PIK3CD: variants seen among roughly 807,000 people sequenced by gnomAD.
PIK3CD encodes the protein phosphatidylinositol-4,5-bisphosphate 3-kinase catalytic subunit delta, also known as phosphatidylinositol 4,5-bisphosphate 3-kinase catalytic subunit delta isoform.
A neutral mutation model predicts 122.9 loss-of-function variants in PIK3CD; 20 were observed. That is an observed-to-expected ratio of 0.16 (90% CI 0.11 to 0.24). The LOEUF (loss-of-function observed/expected upper bound fraction) is 0.24. Ranked by LOEUF, PIK3CD falls within the 10% of genes least tolerant of loss-of-function variation. The probability of loss-of-function intolerance (pLI) is 1.00; values close to 1 mark genes in which losing one functional copy is unlikely to be tolerated. For synonymous variants in PIK3CD, 596 were observed against 593.4 expected, an observed-to-expected ratio of 1.00 and a Z score of -0.06; for missense variants, 787 against 1,406.3, an observed-to-expected ratio of 0.56 and a Z score of 7.04.
intron 1 of PIK3CD, among the ~76,000 whole-genome samples, chr1:9,675,236 A>T (rs1289417244): frequency 6.6e-6 from 1 of 150,510 alleles, no homozygotes; most frequent in Non-Finnish European, 1.5e-5. Context: ...ATACAAAAAA[A>T]TTAGCCGGGC....
the PIK3CD span, among the ~76,000 whole-genome samples, chr1:9,643,254 C>CA: frequency 6.6e-6 from 1 of 151,610 alleles, no homozygotes; most frequent in Non-Finnish European, 1.5e-5. Flanking sequence ...ACTAAATATA[C>CA]AAAAAATTAG....
rs139477241 is a variant in PIK3CD at position 9,704,794 on chromosome 1, G to A, written c.-32-5630G>A. On this transcript the variant is annotated intron_variant, in intron 2 of 23. Coordinates refer to ENST00000377346, the MANE Select transcript of PIK3CD (RefSeq NM_005026.5). This position sits in a 1 kb window ranked among gnomAD's most constrained non-coding sequence, Gnocchi z 5.0. ...CTCCCAAAGTGCTGGGATTACAGGC[G>A]TGAGCCACCACGCCCAGCCGGTCCC... Among the ~76,000 whole-genome samples, 1,748 of 152,350 alleles carry A rather than the reference G, an allele frequency of 0.011. 30 individuals are homozygous for A. The highest frequency in any genetic ancestry group is 0.044 in the East Asian group (230 of 5,188).
At position 9,726,312 on chromosome 1, in the gene PIK3CD, T is replaced by G. The variant is rs369349690; in HGVS notation, c.2998-597T>G. Among the ~76,000 whole-genome samples the G allele has an allele frequency of 2.3e-4, 35 of 151,820 alleles. No individual in the cohort carries two copies. In the East Asian group the frequency reaches 4.1e-3, roughly 18 times the overall value. Reference sequence around the variant, plus strand: ...TCATGAGGTCAGGAGATCGAGACCATCCTGGCTAACACGGTGAAACCCCGT... The same window carrying G: ...TCATGAGGTCAGGAGATCGAGACCAGCCTGGCTAACACGGTGAAACCCCGT... On this transcript the variant is annotated intron_variant, in intron 23 of 23. Transcript: ENST00000377346.
intron 1 of PIK3CD, among the ~76,000 whole-genome samples, chr1:9,675,270 C>T (rs992077564): frequency 1.7e-4 from 25 of 149,718 alleles, no homozygotes; most frequent in African/African-American, 5.9e-4. Flanking sequence ...CCTGTAGTCC[C>T]AGCTACTCGG....
intron 2 of PIK3CD, among the ~76,000 whole-genome samples, chr1:9,695,366 C>T (rs1408420237): frequency 6.6e-6 from 1 of 152,122 alleles, no homozygotes; most frequent in African/African-American, 2.4e-5. Flanking sequence ...GGCATTTCTA[C>T]TTTTAAACAG....
At position 9,718,789 on chromosome 1, in the gene PIK3CD, G is replaced by A; in HGVS notation, c.1116G>A (p.Lys372=). The change falls in exon 9 of 24, where the codon AAG becomes AAA. Residue 372 remains lysine (K), a synonymous_variant. Transcript: ENST00000377346. The surrounding 1 kb of genome is among the most constrained non-coding windows in gnomAD (Gnocchi z 7.2). ...GCGTGTGCTCGGAGCCCGTGTGGAA[G>A]CAGCGGCTGGAGTTCGACATCAACA... ...EVSVCSEPVW[K]QRLEFDINIC... is the part of the protein sequence containing the mutation. 1.2e-6 allele frequency: 2 copies of A among 1,611,718 alleles called. No homozygotes were observed. Among genetic ancestry groups the A allele is most frequent in the Non-Finnish European group, 1.7e-6 (2 of 1,179,970 alleles).
chr1:9,628,569 G>A, the PIK3CD span, among the ~76,000 whole-genome samples: 1 of 152,240 alleles, frequency 6.6e-6, no homozygotes. Context: ...GAGGGAGGAT[G>A]GGCCAGTGGT....
chr1:9,718,633 G>C lies in PIK3CD; in HGVS notation c.1021-61G>C, dbSNP rs566665752. 1.6e-4 allele frequency: 233 copies of C among 1,468,208 alleles called. No individual in the cohort carries two copies. Among genetic ancestry groups the C allele is most frequent in the Middle Eastern group, 2.0e-4 (1 of 5,012 alleles). 90.9% of individuals were successfully genotyped at this position (1,468,208 alleles called of 1,614,324 possible). A position where few individuals can be genotyped will look rare whatever the true frequency, so the allele number is the denominator to read the frequency against. On this transcript the variant is annotated intron_variant, in intron 8 of 23. Transcript: ENST00000377346. This position sits in a 1 kb window ranked among gnomAD's most constrained non-coding sequence, Gnocchi z 7.2. ...TTCAAGGGGGAGACTGACACCTTAA[G>C]GGGGAGGGGAGAGGGGCTGGGCCTC...
At chr1:9,669,318 C>A (rs906678572) in intron 1 of PIK3CD, among the ~76,000 whole-genome samples, 2 of 151,996 alleles carry the variant, frequency 1.3e-5, no homozygotes, top group East Asian at 3.9e-4. Flanking sequence ...GCCACCACAC[C>A]CGGGTAATTT....
intron 1 of PIK3CD, among the ~76,000 whole-genome samples, chr1:9,679,904 A>C (rs1645684708): frequency 1.3e-5 from 2 of 151,966 alleles, no homozygotes; most frequent in Admixed American, 1.3e-4. Context: ...GGCTCATTGC[A>C]ACCTCTGCCT....
intron 23 of PIK3CD, among the ~76,000 whole-genome samples, chr1:9,726,262 A>C (rs1382181148): frequency 6.6e-6 from 1 of 152,132 alleles, no homozygotes; most frequent in African/African-American, 2.4e-5. Flanking sequence ...TAAACCCAGC[A>C]CTTTGGGAGG....
chr1:9,696,158 G>C (rs1646408902), intron 2 of PIK3CD, among the ~76,000 whole-genome samples: 1 of 151,818 alleles, frequency 6.6e-6, no homozygotes, highest in African/African-American at 2.4e-5. Flanking sequence ...TTTTTGTAGA[G>C]ATAGGGTTTT....
chr1:9,639,141 A>G, the PIK3CD span, among the ~76,000 whole-genome samples: 2 of 152,076 alleles, frequency 1.3e-5, no homozygotes, highest in African/African-American at 4.8e-5. Flanking sequence ...GTTTCTTCTA[A>G]TCCTAAACCT....
rs551621109 is a variant in PIK3CD, at chr1:9,719,838, G to A, written c.1243-83G>A. On this transcript the variant is annotated intron_variant, in intron 9 of 23. Transcript: ENST00000377346. This position sits in a 1 kb window ranked among gnomAD's most constrained non-coding sequence, Gnocchi z 5.5. Reference sequence around the variant, plus strand: ...TGTTAGCTGGGCTCTGGGTCTTCTCGGGTGGGGTGCCTGGGGGAGGGCAGG... The same window carrying A: ...TGTTAGCTGGGCTCTGGGTCTTCTCAGGTGGGGTGCCTGGGGGAGGGCAGG... The A allele has an allele frequency of 1.0e-5, 11 of 1,103,012 alleles. No individual in the cohort carries two copies. The highest frequency in any genetic ancestry group is 7.0e-5 in the East Asian group (3 of 42,578). 68.3% of individuals were successfully genotyped at this position (1,103,012 alleles called of 1,614,324 possible). A position where few individuals can be genotyped will look rare whatever the true frequency, so the allele number is the denominator to read the frequency against.
rs375016049 is a variant in PIK3CD at position 9,721,222 on chromosome 1, C to T, written c.1785C>T (p.Phe595=). 8.7e-5 allele frequency: 140 copies of T among 1,613,446 alleles called. 2 individuals carry two copies. The South Asian group carries it at 8.9e-4, about 10-fold the overall frequency. The change falls in exon 14 of 24, where the codon TTC becomes TTT. Residue 595 remains phenylalanine (F), a synonymous_variant. Coordinates refer to ENST00000377346, the MANE Select transcript of PIK3CD (RefSeq NM_005026.5). ...FSFPDCHVGS[F]AIKSLRKLTD... is the part of the protein sequence containing the mutation. Reference sequence around the variant, plus strand: ...TCCCCGATTGCCACGTAGGCTCCTTCGCCATCAAGTCGCTGCGGAAACTGA... The same window carrying T: ...TCCCCGATTGCCACGTAGGCTCCTTTGCCATCAAGTCGCTGCGGAAACTGA...
At chr1:9,726,391 C>T (rs1649614616) in intron 23 of PIK3CD, among the ~76,000 whole-genome samples, 1 of 152,100 alleles carries the variant, frequency 6.6e-6, no homozygotes. Context: ...TGCCTGTAGT[C>T]CCAGCTACTT....
At chr1:9,676,924 C>T (rs1645561166) in intron 1 of PIK3CD, among the ~76,000 whole-genome samples, 1 of 152,170 alleles carries the variant, frequency 6.6e-6, no homozygotes. Flanking sequence ...GGCCCAGAGA[C>T]CTGCTCTGAG....
At position 9,722,993 on chromosome 1, in the gene PIK3CD, C is replaced by A; in HGVS notation, c.2427-132C>A. On this transcript the variant is annotated intron_variant, in intron 19 of 23. Coordinates refer to ENST00000377346, the MANE Select transcript of PIK3CD (RefSeq NM_005026.5). The surrounding 1 kb of genome is among the most constrained non-coding windows in gnomAD (Gnocchi z 7.6). Reference sequence around the variant, plus strand: ...ATCTCCAAGGAGCCAGCATCTCTCACCTGCTTTTTAGCAATGTGGGCAGCA... The same window carrying A: ...ATCTCCAAGGAGCCAGCATCTCTCAACTGCTTTTTAGCAATGTGGGCAGCA... 1.1e-6 allele frequency: 1 copy of A among 911,558 alleles called. No individual in the cohort carries two copies. The allele number at this position is 911,558 out of a possible 1,614,324, so 56.5% of individuals were successfully genotyped here.
At chr1:9,642,963 C>T in the PIK3CD span, among the ~76,000 whole-genome samples, 1 of 151,498 alleles carries the variant, frequency 6.6e-6, no homozygotes, top group East Asian at 1.9e-4. Flanking sequence ...TGGCATACAC[C>T]TGTGGTCCCA....
Sources: allele counts gnomAD v4.1 joint callset (sites outside exome capture counted in the v4.1 genomes callset), GRCh38; gene constraint gnomAD v4.1.1; non-coding constraint Gnocchi (gnomAD v3.1); transcripts MANE v1.5; gene names NCBI Gene and HGNC (gene_info 2026-07-23, HGNC 2026-07-21).